The following MYOF variants were observed in gnomAD, a reference collection of about 807,000 sequenced individuals.
MYOF encodes myoferlin.
A neutral mutation model predicts 284.2 loss-of-function variants in MYOF; 244 were observed. The ratio of observed to expected loss-of-function variants is 0.86; its 90% confidence interval spans 0.77 to 0.95. The LOEUF is 0.95. MYOF is among the 40% of genes least tolerant of loss of function. The pLI is 0.00. For synonymous variants in MYOF, 904 were observed against 919.7 expected (o/e 0.98, Z 0.31); for missense variants, 2,496 against 2,560.6 (o/e 0.97, Z 0.54).
rs140758747 is a variant in MYOF at position 93,375,843 on chromosome 10, C to T, written c.2109-888G>A. Among the ~76,000 whole-genome samples, 680 of 152,258 alleles carry T rather than the reference C, an allele frequency of 4.5e-3. 3 individuals are homozygous for T. The highest frequency in any genetic ancestry group is 6.9e-3 in the Non-Finnish European group (470 of 68,018). On this transcript the variant is annotated intron_variant, in intron 22 of 53. Transcript: ENST00000359263. ...AGAACTTGGATGTGTTGTGATGAGACCCCCAAGGGTTCCTGAGAATGGCTG... is the reference window on the plus strand; with the variant it reads ...AGAACTTGGATGTGTTGTGATGAGATCCCCAAGGGTTCCTGAGAATGGCTG...
At chr10:93,381,468 G>C in intron 19 of MYOF, 72 bp from the exon 20 acceptor site, 1 of 1,482,580 alleles carries the variant, frequency 6.7e-7, no homozygotes, top group South Asian at 1.2e-5. Flanking sequence ...ATTTCTAGGA[G>C]ACGCAATTCT....
At chr10:93,402,732 A>AT (rs1323304784) in intron 10 of MYOF, 128 bp downstream of exon 10, 39 of 809,956 alleles carry the variant, frequency 4.8e-5, no homozygotes, top group Non-Finnish European at 6.7e-5. Flanking sequence ...TTAAGAAAAT[A>AT]TTTTTTAAAA....
At chr10:93,402,122 G>T in intron 11 of MYOF, 110 bp downstream of exon 11, 1 of 777,780 alleles carries the variant, frequency 1.3e-6, no homozygotes, top group Non-Finnish European at 2.2e-6. Context: ...GAATCTGAGG[G>T]TATTGACGGG....
rs955141113 is a variant in MYOF, at chr10:93,467,549, T to C, written c.89-10612A>G. Among the ~76,000 whole-genome samples the C allele has an allele frequency of 3.3e-5, 5 of 152,046 alleles. No homozygotes were observed. In the East Asian group the frequency reaches 7.7e-4, roughly 23 times the overall value. On this transcript the variant is annotated intron_variant, in intron 1 of 53. Transcript: ENST00000359263. ...TGGGACTGTAAACTAGTTCAACCATTGTGGAAGTCAGTATGGCAATTCCTC... is the reference window on the plus strand; with the variant it reads ...TGGGACTGTAAACTAGTTCAACCATCGTGGAAGTCAGTATGGCAATTCCTC...
chr10:93,426,143 C>A lies in MYOF; in HGVS notation c.361G>T (p.Val121Leu). 6.4e-7 allele frequency: 1 copy of A among 1,559,042 alleles called. No individual in the cohort carries two copies. The highest frequency in any genetic ancestry group is 8.7e-7 in the Non-Finnish European group (1 of 1,150,556). The change falls in exon 5 of 54, where the codon GTG (valine) becomes TTG (leucine). Residue 121 changes from valine (V) to leucine (L), a missense_variant. Physicochemically the swap from Val to Leu is conservative, Grantham distance 32 (BLOSUM62 1). This residue lies in a region of MYOF where 2,436 missense variants were observed against 2,480.7 expected (regional missense o/e 0.98). Coordinates refer to ENST00000359263, the MANE Select transcript of MYOF (RefSeq NM_013451.4). ...GCAGAAGGCGGATCATAGCCGATCA[C>A]CAAGTCAATGGTGGCCTGGGTAGAA... is the stretch of plus-strand genomic sequence containing the variant. ...GQDTGATIDL[V>L]IGYDPPSAPH...
chr10:93,373,540 G>A (rs1427308034), intron 23 of MYOF, among the ~76,000 whole-genome samples: 2 of 152,078 alleles, frequency 1.3e-5, no homozygotes, highest in African/African-American at 4.8e-5. Context: ...TTATAAAGAA[G>A]ATAATCCAGC....
Position 93,347,729 on chromosome 10 carries a change from G to A in MYOF, c.4137C>T (p.Asp1379=). 1 of 1,614,148 alleles carries A rather than the reference G, an allele frequency of 6.2e-7. No individual in the cohort carries two copies. Among genetic ancestry groups the A allele is most frequent in the South Asian group, 1.1e-5 (1 of 91,084 alleles). The change falls in exon 37 of 54, where the codon GAC becomes GAT. Residue 1379 remains aspartate, a synonymous_variant. Coordinates refer to ENST00000359263, the MANE Select transcript of MYOF (RefSeq NM_013451.4). ...YMPPLVIKVI[D]HRQFGRKPVV... ...CAGGCTTCCGCCCAAACTGCCTGTG[G>A]TCGATGACCTTGATCACCAGTGGGG...
chr10:93,376,165 T>C (rs1175504296), intron 22 of MYOF, among the ~76,000 whole-genome samples: 3 of 152,238 alleles, frequency 2.0e-5, no homozygotes, highest in Non-Finnish European at 2.9e-5. Context: ...TCTGCAAATC[T>C]TAAAATTCAC....
rs1249954870 is a variant in MYOF, at chr10:93,349,888, C to T, written c.4003G>A (p.Gly1335Arg). 4.3e-6 allele frequency: 7 copies of T among 1,614,010 alleles called. No homozygotes were observed. Among genetic ancestry groups the T allele is most frequent in the African/African-American group, 1.3e-5 (1 of 74,908 alleles). The change falls in exon 36 of 54, where the codon GGA (glycine) becomes AGA (arginine). Residue 1335 changes from glycine to arginine, a missense_variant. By Grantham distance (125) the Gly-to-Arg change is moderately radical (BLOSUM62 -2). Around this residue, in one of 3 missense-constraint regions of MYOF, gnomAD observed 2,436 missense variants for 2,480.7 expected, o/e 0.98. Coordinates refer to ENST00000359263, the MANE Select transcript of MYOF (RefSeq NM_013451.4). The stretch of plus-strand genomic sequence containing the variant: ...ATCACCACCGATTCCACCCTTTCTC[C>T]TCCACACTCCACAACAAGACTGGGG... ...TSPSLVVECG[G>R]ERVESVVIKN...
intron 29 of MYOF, 50 bp downstream of exon 29, chr10:93,359,783 T>A: frequency 6.2e-7 from 1 of 1,606,978 alleles, no homozygotes; most frequent in Non-Finnish European, 8.5e-7. Flanking sequence ...GACTTTGTAG[T>A]CAGGAGGGCA....
chr10:93,429,766 A>C (rs1848749309), intron 4 of MYOF, among the ~76,000 whole-genome samples: 1 of 152,114 alleles, frequency 6.6e-6, no homozygotes, highest in Non-Finnish European at 1.5e-5. Context: ...TGATTGGAAA[A>C]TGAAGGGGTT....
intron 7 of MYOF, among the ~76,000 whole-genome samples, chr10:93,407,515 G>A (rs1424519335): frequency 6.7e-6 from 1 of 148,270 alleles, no homozygotes; most frequent in African/African-American, 2.5e-5. Flanking sequence ...TGGATGACGA[G>A]GTCAAGAGAT....
chr10:93,359,907 G>C lies in MYOF; in HGVS notation c.3046C>G (p.His1016Asp). 6.2e-7 allele frequency: 1 copy of C among 1,614,096 alleles called. No homozygotes were observed. Among genetic ancestry groups the C allele is most frequent in the Non-Finnish European group, 8.5e-7 (1 of 1,180,028 alleles). ...ACCAGCCTTCGCCGTCTATGAGTGTGGTACATTTTCTCTGCTGCAACCCAG... is the reference window on the plus strand; with the variant it reads ...ACCAGCCTTCGCCGTCTATGAGTGTCGTACATTTTCTCTGCTGCAACCCAG... ...KSWVAAEKMY[H>D]THRRRRLVRK... Residue 1016 changes from histidine (H) to aspartate (D), a missense_variant, in exon 29 of 54, where the codon CAC (histidine) becomes GAC (aspartate). His to Asp is a moderately conservative substitution (Grantham distance 81, BLOSUM62 -1). Transcript: ENST00000359263.
chr10:93,326,809 G>C (rs1449505579), intron 45 of MYOF, among the ~76,000 whole-genome samples: 1 of 151,988 alleles, frequency 6.6e-6, no homozygotes, highest in Non-Finnish European at 1.5e-5. Flanking sequence ...ATTTTTAGTA[G>C]AGAGAGGGTT....
chr10:93,385,996 C>T (rs994619784), intron 19 of MYOF, among the ~76,000 whole-genome samples: 4 of 152,166 alleles, frequency 2.6e-5, no homozygotes, highest in African/African-American at 9.7e-5. Flanking sequence ...TTCTCCTTCT[C>T]CCTGCAACTA....
In MYOF at chr10:93,426,013, G is replaced by T. The variant is rs980420639; in HGVS notation, c.433+58C>A. 11 of 1,488,244 alleles carry T rather than the reference G, an allele frequency of 7.4e-6. No individual in the cohort carries two copies. In the East Asian group the frequency reaches 1.5e-4, roughly 20 times the overall value. 92.2% of individuals were successfully genotyped at this position (1,488,244 alleles called of 1,614,324 possible). A position where few individuals can be genotyped will look rare whatever the true frequency, so the allele number is the denominator to read the frequency against. On this transcript the variant is annotated intron_variant, in intron 5 of 53. Transcript: ENST00000359263. ...GCAGGGTTTCTCCAGACACTCTCCT[G>T]TGTGTCTTTAGCAGCCTCCCCCTGG...
Position 93,329,752 on chromosome 10 carries a change from C to T in MYOF, c.4894G>A (p.Glu1632Lys), listed in dbSNP as rs1243908096. The change falls in exon 44 of 54, where the codon GAA becomes AAA. Residue 1632 changes from glutamate to lysine, a missense_variant. Glu to Lys is a moderately conservative substitution (Grantham distance 56, BLOSUM62 1). Transcript: ENST00000359263. Reference protein sequence around the residue: ...VYDYDTFTRDEKVGETIIDLE... With the variant: ...VYDYDTFTRDKKVGETIIDLE... ...TCAATAATTGTTTCTCCTACTTTTT[C>T]ATCCCGGGTAAAGGTGTCATAATCA... 6.2e-7 allele frequency: 1 copy of T among 1,614,120 alleles called. No homozygotes were observed. Among genetic ancestry groups the T allele is most frequent in the African/African-American group, 1.3e-5 (1 of 74,930 alleles).
intron 1 of MYOF, among the ~76,000 whole-genome samples, chr10:93,464,939 T>C (rs987066995): frequency 9.9e-5 from 15 of 152,166 alleles, no homozygotes; most frequent in Admixed American, 6.5e-4. Context: ...TTGAGATATA[T>C]AAAGCCCCAT....
In MYOF at chr10:93,452,063, T is replaced by C. The variant is rs1436565714; in HGVS notation, c.223A>G (p.Ile75Val). The change falls in exon 3 of 54, where the codon ATT (isoleucine) becomes GTT (valine). Residue 75 changes from isoleucine (I) to valine (V), a missense_variant. Transcript: ENST00000359263. ...AAAACAACTTACTTATTTTGTCCAA[T>C]TGTCTCAAAATCTTTCACAATAATC... ...LGIIVKDFET[I>V]GQNKLIGTAT... 6.2e-7 allele frequency: 1 copy of C among 1,611,316 alleles called. No homozygotes were observed. Among genetic ancestry groups the C allele is most frequent in the East Asian group, 2.2e-5 (1 of 44,852 alleles).
Sources: allele counts gnomAD v4.1 joint callset (sites outside exome capture counted in the v4.1 genomes callset), GRCh38; gene constraint gnomAD v4.1.1; regional missense constraint gnomAD v4.1.1; transcripts MANE v1.5; gene names NCBI Gene and HGNC (gene_info 2026-07-23, HGNC 2026-07-21).